EHBP1: variants seen among roughly 807,000 people sequenced by gnomAD.
EHBP1 encodes the protein EH domain-binding protein 1.
In EHBP1, 55 loss-of-function variants were observed where a neutral mutation model predicts 144.0. The observed-to-expected ratio is 0.38, with a 90% CI of 0.31 to 0.48. The LOEUF (loss-of-function observed/expected upper bound fraction) is 0.48, where lower values mean the gene tolerates loss of function less well. Ranked by LOEUF, EHBP1 falls within the 20% of genes least tolerant of loss-of-function variation. EHBP1 has a pLI of 0.98. For missense variants in EHBP1, 1,200 were observed against 1,364.2 expected (o/e 0.88, Z 1.90); for synonymous variants, 469 against 472.7 (o/e 0.99, Z 0.10).
intron 3 of EHBP1, among the ~76,000 whole-genome samples, chr2:62,749,935 T>C (rs1367642283): frequency 3.3e-5 from 5 of 152,144 alleles, no homozygotes; most frequent in South Asian, 4.1e-4. Flanking sequence ...CTGTAGGTTG[T>C]CTGTTCACTC....
At chr2:62,901,107 T>C (rs1057051854) in intron 10 of EHBP1, among the ~76,000 whole-genome samples, 3 of 152,180 alleles carry the variant, frequency 2.0e-5, no homozygotes, top group African/African-American at 4.8e-5. Flanking sequence ...TTGAAACTAA[T>C]TGAGCTTGGT....
At chr2:62,985,949 G>A (rs749390787) in intron 15 of EHBP1, among the ~76,000 whole-genome samples, 2 of 152,060 alleles carry the variant, frequency 1.3e-5, no homozygotes, top group African/African-American at 2.4e-5. Flanking sequence ...TCAACATCTA[G>A]CACAGTGTTT....
rs147498561 is a variant in EHBP1, at chr2:62,919,274, A to C, written c.1186-23444A>C. On this transcript the variant is annotated intron_variant, in intron 10 of 22. Coordinates refer to ENST00000431489, the MANE Select transcript of EHBP1 (RefSeq NM_001142616.3). ...TGCTGATTGAAGTGACTTCCGGGGGACTTAAAGGGCAAGCACCTTTTGTTT... is the reference window on the plus strand; with the variant it reads ...TGCTGATTGAAGTGACTTCCGGGGGCCTTAAAGGGCAAGCACCTTTTGTTT... Among the ~76,000 whole-genome samples, 131 of 152,194 alleles carry C rather than the reference A, an allele frequency of 8.6e-4. 2 individuals are homozygous for C. The highest frequency in any genetic ancestry group is 2.9e-3 in the African/African-American group (120 of 41,524).
chr2:62,744,322 A>G (rs1476798588), intron 2 of EHBP1, among the ~76,000 whole-genome samples: 1 of 152,056 alleles, frequency 6.6e-6, no homozygotes, highest in African/African-American at 2.4e-5. Context: ...GTATAATTGT[A>G]GGTTTATTGG....
intron 1 of EHBP1, among the ~76,000 whole-genome samples, chr2:62,679,282 A>G (rs748402187): frequency 5.6e-4 from 85 of 152,316 alleles, no homozygotes; most frequent in Non-Finnish European, 1.0e-3. Flanking sequence ...TAGTTCTGCT[A>G]TTTTTATAAC....
In EHBP1 at chr2:62,955,714, G is replaced by A. The variant is rs559317441; in HGVS notation, c.2460+54G>A. 2.6e-5 allele frequency: 41 copies of A among 1,552,426 alleles called. No homozygotes were observed. The East Asian group carries it at 5.9e-4, about 23-fold the overall frequency. On this transcript the variant is annotated intron_variant, in intron 14 of 22. Transcript: ENST00000431489. ...AAGTTGTTCATTGTAATCATGGGGA[G>A]GAGGGAAGTAATTTGCTTGTATTTC...
intron 19 of EHBP1, among the ~76,000 whole-genome samples, chr2:63,027,360 G>A (rs1237334467): frequency 1.3e-5 from 2 of 152,214 alleles, no homozygotes; most frequent in East Asian, 3.8e-4. Flanking sequence ...GTGTACTCTA[G>A]TGAAGATAAT....
intron 7 of EHBP1, among the ~76,000 whole-genome samples, chr2:62,835,810 A>G (rs1333133125): frequency 2.6e-5 from 4 of 152,176 alleles, no homozygotes; most frequent in African/African-American, 9.7e-5. Context: ...GCACCACGAG[A>G]CTATATCCCA....
Position 62,800,228 on chromosome 2 carries a change from G to A in EHBP1, c.313-25859G>A, listed in dbSNP as rs1441190969. 2.0e-5 allele frequency among the ~76,000 whole-genome samples: 3 copies of A among 152,074 alleles called. 1 individual carries two copies. The East Asian group carries it at 5.8e-4, about 29-fold the overall frequency. On this transcript the variant is annotated intron_variant, in intron 5 of 22. Transcript: ENST00000431489. The stretch of plus-strand genomic sequence containing the variant: ...TAACCCTAAATGGTCCTCATGTATA[G>A]GAGTGTCCTTGAAAAAAATCTCATC...
intron 10 of EHBP1, among the ~76,000 whole-genome samples, chr2:62,940,813 A>G (rs2056711729): frequency 1.3e-5 from 2 of 152,122 alleles, no homozygotes; most frequent in Admixed American, 6.5e-5. Flanking sequence ...ATTAGAACCA[A>G]TTTAAATTTT....
chr2:63,034,588 T>G (rs1559097314), intron 19 of EHBP1, among the ~76,000 whole-genome samples: 1 of 152,050 alleles, frequency 6.6e-6, no homozygotes, highest in Non-Finnish European at 1.5e-5. Context: ...TAAAACTGCC[T>G]TTTTTTCTAG....
chr2:62,822,257 A>G (rs1288255873), intron 5 of EHBP1, among the ~76,000 whole-genome samples: 2 of 152,176 alleles, frequency 1.3e-5, no homozygotes, highest in Non-Finnish European at 2.9e-5. Context: ...TTGCATTGTT[A>G]CTACTTGAAT....
chr2:62,794,469 A>G (rs958477725), intron 5 of EHBP1, among the ~76,000 whole-genome samples: 3 of 152,026 alleles, frequency 2.0e-5, no homozygotes, highest in Non-Finnish European at 4.4e-5. Flanking sequence ...TTTTCTTCAA[A>G]CTGAATATTG....
chr2:62,800,645 G>T (rs2043913546), intron 5 of EHBP1, among the ~76,000 whole-genome samples: 1 of 152,086 alleles, frequency 6.6e-6, no homozygotes, highest in Non-Finnish European at 1.5e-5. Context: ...TTTGTTTTTG[G>T]CAAGAGTGGT....
intron 14 of EHBP1, among the ~76,000 whole-genome samples, chr2:62,962,625 A>G (rs2058055246): frequency 6.6e-6 from 1 of 152,240 alleles, no homozygotes; most frequent in Non-Finnish European, 1.5e-5. Context: ...GATGCTATAT[A>G]TGTTTAATTA....
At chr2:63,034,839 G>T (rs2153354963) in intron 19 of EHBP1, among the ~76,000 whole-genome samples, 1 of 151,970 alleles carries the variant, frequency 6.6e-6, no homozygotes, top group South Asian at 2.1e-4. Context: ...ATGCATTAGA[G>T]CTACGAACAG....
chr2:62,776,299 C>G (rs1370253979), intron 5 of EHBP1, among the ~76,000 whole-genome samples: 1 of 152,194 alleles, frequency 6.6e-6, no homozygotes, highest in African/African-American at 2.4e-5. Context: ...CTGCCACTTA[C>G]TGGCTATGCA....
intron 5 of EHBP1, among the ~76,000 whole-genome samples, chr2:62,821,298 G>A (rs1291048734): frequency 1.3e-5 from 2 of 151,876 alleles, no homozygotes; most frequent in African/African-American, 4.8e-5. Flanking sequence ...CTTATTGTGG[G>A]GTTCATAATA....
intron 5 of EHBP1, among the ~76,000 whole-genome samples, chr2:62,812,042 A>G (rs1238866762): frequency 6.6e-6 from 1 of 152,162 alleles, no homozygotes; most frequent in Non-Finnish European, 1.5e-5. Context: ...TGGGTTCTGT[A>G]TGGTGAGAGT....
Sources: gnomAD v4.1 joint callset for allele counts (sites outside exome capture counted in the v4.1 genomes callset) on GRCh38, gnomAD v4.1.1 for gene constraint, MANE v1.5 for transcripts, NCBI Gene and HGNC (gene_info 2026-07-23, HGNC 2026-07-21) for gene names.